The following RBFOX1 variants were observed in gnomAD, a reference collection of about 807,000 sequenced individuals.
The protein encoded by RBFOX1 is RNA binding protein fox-1 homolog 1.
In RBFOX1, 8 loss-of-function variants were observed where a neutral mutation model predicts 57.7. The ratio of observed to expected loss-of-function variants is 0.14; its 90% CI spans 0.08 to 0.25. The LOEUF is 0.25. Ranked by LOEUF, RBFOX1 falls within the 10% of genes least tolerant of loss-of-function variation. The probability of loss-of-function intolerance (pLI) is 1.00; values close to 1 mark genes in which losing one functional copy is unlikely to be tolerated. For synonymous variants in RBFOX1, 326 were observed against 222.4 expected, an observed-to-expected ratio of 1.47 and a Z score of -4.15; for missense variants, 611 against 548.5, an observed-to-expected ratio of 1.11 and a Z score of -1.14.
At chr16:7,181,193 C>A (rs1053402253) in intron 4 of RBFOX1, among the ~76,000 whole-genome samples, 2 of 152,172 alleles carry the variant, frequency 1.3e-5, no homozygotes, top group Non-Finnish European at 2.9e-5. Context: ...TTGAACCTTG[C>A]GTAGTCACAA....
intron 3 of RBFOX1, among the ~76,000 whole-genome samples, chr16:6,663,396 G>C (rs1040699389): frequency 4.6e-5 from 7 of 152,178 alleles, no homozygotes; most frequent in Admixed American, 6.5e-5. Flanking sequence ...ATATGAGCAT[G>C]ACATAGCCAG....
At chr16:7,637,582 C>A (rs1597060709) in intron 11 of RBFOX1, among the ~76,000 whole-genome samples, 1 of 152,148 alleles carries the variant, frequency 6.6e-6, no homozygotes, top group African/African-American at 2.4e-5. Context: ...TTTACGGCTT[C>A]CTTTTTCTTC....
chr16:6,400,920 C>T (rs907005162), intron 2 of RBFOX1, among the ~76,000 whole-genome samples: 1 of 152,044 alleles, frequency 6.6e-6, no homozygotes, highest in Non-Finnish European at 1.5e-5. Context: ...ATTGATAGTA[C>T]CTGATGGTGT....
chr16:5,492,321 T>C (rs1225864379), intron 2 of RBFOX1, among the ~76,000 whole-genome samples: 3 of 152,210 alleles, frequency 2.0e-5, no homozygotes, highest in African/African-American at 7.2e-5. Flanking sequence ...TTAATGCATA[T>C]TCACTTAGTA....
At chr16:7,086,135 C>T (rs1365987957) in intron 4 of RBFOX1, among the ~76,000 whole-genome samples, 1 of 152,148 alleles carries the variant, frequency 6.6e-6, no homozygotes, top group Non-Finnish European at 1.5e-5. Flanking sequence ...ATGGGACTAC[C>T]TATAGGCTAT....
intron 1 of RBFOX1, among the ~76,000 whole-genome samples, chr16:6,043,954 T>C (rs2095469452): frequency 1.3e-5 from 2 of 152,200 alleles, no homozygotes; most frequent in Non-Finnish European, 2.9e-5. Flanking sequence ...CTCAGCCATT[T>C]TGGCCCAGGG....
chr16:6,904,747 C>T (rs917252425), intron 3 of RBFOX1, among the ~76,000 whole-genome samples: 5 of 152,052 alleles, frequency 3.3e-5, no homozygotes, highest in Non-Finnish European at 7.4e-5. Context: ...TCGCCTTGCA[C>T]CTGCTGGGAA....
chr16:7,555,652 G>A (rs1262277512), intron 5 of RBFOX1, among the ~76,000 whole-genome samples: 1 of 152,112 alleles, frequency 6.6e-6, no homozygotes, highest in Non-Finnish European at 1.5e-5. Context: ...TGAACGTTCT[G>A]TACCAGCCTC....
At chr16:7,175,494 G>A (rs4473205) in intron 4 of RBFOX1, among the ~76,000 whole-genome samples, 2 of 151,888 alleles carry the variant, frequency 1.3e-5, no homozygotes, top group African/African-American at 4.8e-5. Context: ...TGAGACTTTC[G>A]CTGCCTGGTC....
intron 3 of RBFOX1, among the ~76,000 whole-genome samples, chr16:5,772,112 C>G (rs960476084): frequency 6.6e-6 from 1 of 151,968 alleles, no homozygotes; most frequent in African/African-American, 2.4e-5. Context: ...GCGGAGGTTG[C>G]AATGAGCCGA....
At chr16:7,308,469 C>A (rs1047998424) in intron 4 of RBFOX1, among the ~76,000 whole-genome samples, 11 of 152,104 alleles carry the variant, frequency 7.2e-5, no homozygotes, top group African/African-American at 1.2e-4. Flanking sequence ...TTTAAAAATA[C>A]GTCAAATGCT....
At chr16:7,421,867 A>G (rs147731275) in intron 4 of RBFOX1, among the ~76,000 whole-genome samples, 1 of 152,178 alleles carries the variant, frequency 6.6e-6, no homozygotes, top group Non-Finnish European at 1.5e-5. Context: ...TCATTTCTTC[A>G]GCCTTTTTGA....
chr16:6,288,850 G>T (rs1019086916), intron 1 of RBFOX1, among the ~76,000 whole-genome samples: 6 of 152,076 alleles, frequency 3.9e-5, no homozygotes, highest in African/African-American at 9.7e-5. Context: ...ATTGAATAGG[G>T]TTGGAATTCT....
intron 3 of RBFOX1, among the ~76,000 whole-genome samples, chr16:6,884,834 G>C (rs1382581250): frequency 9.2e-5 from 14 of 152,150 alleles, no homozygotes; most frequent in Non-Finnish European, 2.1e-4. Context: ...GGAGGTGGAG[G>C]TGGCAGTCAG....
At chr16:6,051,695 C>G (rs769079908) in intron 1 of RBFOX1, among the ~76,000 whole-genome samples, 6 of 152,142 alleles carry the variant, frequency 3.9e-5, no homozygotes, top group African/African-American at 1.2e-4. Flanking sequence ...TCCCAAGTAG[C>G]TGAGATTACA....
At chr16:7,614,943 C>T (rs1163364178) in intron 10 of RBFOX1, 2 of 152,204 alleles carry the variant, frequency 1.3e-5, no homozygotes, top group African/African-American at 4.8e-5. Context: ...TAAGTTTCAA[C>T]CCCATGTTTT....
Position 7,485,986 on chromosome 16 carries a change from C to T in RBFOX1, c.28-32161C>T, listed in dbSNP as rs544535148. Among the ~76,000 whole-genome samples, 42 of 152,228 alleles carry T rather than the reference C, an allele frequency of 2.8e-4. 1 individual carries two copies. Among genetic ancestry groups the T allele is most frequent in the African/African-American group, 9.4e-4 (39 of 41,534 alleles). ...TGAGTTGTGTCAACAGAAATGTATGCCCCATAGAGCTGAAAGTGTTTCCTG... is the reference window on the plus strand; with the variant it reads ...TGAGTTGTGTCAACAGAAATGTATGTCCCATAGAGCTGAAAGTGTTTCCTG... On this transcript the variant is annotated intron_variant, in intron 4 of 15. Coordinates refer to ENST00000550418, the MANE Select transcript of RBFOX1 (RefSeq NM_018723.4).
intron 1 of RBFOX1, among the ~76,000 whole-genome samples, chr16:5,399,829 G>A (rs764191317): frequency 6.6e-6 from 1 of 151,960 alleles, no homozygotes; most frequent in Non-Finnish European, 1.5e-5. Flanking sequence ...CCCTTAAGGT[G>A]AACTGTTAAA....
chr16:6,192,108 T>A (rs2097145570), intron 1 of RBFOX1, among the ~76,000 whole-genome samples: 1 of 152,192 alleles, frequency 6.6e-6, no homozygotes. Context: ...TACCTCCTGC[T>A]CTCTCCCCTG....
Sources: gnomAD v4.1 joint callset for allele counts (sites outside exome capture counted in the v4.1 genomes callset) on GRCh38, gnomAD v4.1.1 for gene constraint, MANE v1.5 for transcripts, NCBI Gene and HGNC (gene_info 2026-07-23, HGNC 2026-07-21) for gene names.